The following TENM1 variants were observed in gnomAD, a reference collection of about 807,000 sequenced individuals.
The protein encoded by TENM1 is teneurin transmembrane protein 1.
Under a neutral mutation model 174.8 loss-of-function variants are expected in TENM1, and 35 were observed. That is an observed-to-expected ratio of 0.20 (90% CI 0.15 to 0.27). The LOEUF (loss-of-function observed/expected upper bound fraction) is 0.27. Among genes scored for constraint, TENM1 ranks in the 10% least tolerant of loss-of-function variants. The probability of loss-of-function intolerance (pLI) is 1.00; values close to 1 mark genes in which losing one functional copy is unlikely to be tolerated. For missense variants in TENM1, 1,633 were observed against 2,130.1 expected (o/e 0.77, Z 4.59); for synonymous variants, 781 against 798.7 (o/e 0.98, Z 0.37).
At chrX:124,565,826 T>A (rs1453667721) in intron 11 of TENM1, among the ~76,000 whole-genome samples, 1 of 111,472 alleles carries the variant, frequency 9.0e-6, no homozygotes, top group Non-Finnish European at 1.9e-5. Context: ...TTAAACAAAA[T>A]GTTAATAAAC....
chrX:124,831,913 G>A (rs1416855450), intron 3 of TENM1, among the ~76,000 whole-genome samples: 1 of 111,762 alleles, frequency 8.9e-6, no homozygotes, highest in African/African-American at 3.3e-5. Context: ...CACGGGGCTC[G>A]CTTCTCATTA....
At chrX:124,471,218 ATAAT>A (rs2061302979) in intron 22 of TENM1, among the ~76,000 whole-genome samples, 2 of 46,418 alleles carry the variant, frequency 4.3e-5, no homozygotes, top group Non-Finnish European at 8.0e-5. Flanking sequence ...ACTATATATT[ATAAT>A]ATATAGTACT....
chrX:124,886,544 T>TAGAGAG (rs1460561539), intron 3 of TENM1, among the ~76,000 whole-genome samples: 81 of 84,381 alleles, frequency 9.6e-4, no homozygotes, highest in African/African-American at 3.5e-3. Context: ...TATATATATA[T>TAGAGAG]ATATAGAGAG....
intron 1 of TENM1, among the ~76,000 whole-genome samples, chrX:124,962,721 G>A (rs1422390335): frequency 9.0e-6 from 1 of 110,727 alleles, no homozygotes; most frequent in African/African-American, 3.3e-5. Context: ...AGGTGGCTGA[G>A]GCAGGACAAT....
the TENM1 span, among the ~76,000 whole-genome samples, chrX:125,200,546 G>A: frequency 2.7e-5 from 3 of 109,555 alleles, no homozygotes; most frequent in African/African-American, 3.3e-5. Context: ...AAAATCCACA[G>A]CAATTTAACA....
intron 1 of TENM1, among the ~76,000 whole-genome samples, chrX:124,957,197 A>AGATG (rs34944662): frequency 8.6e-4 from 94 of 109,393 alleles, no homozygotes; most frequent in Non-Finnish European, 1.6e-3. Flanking sequence ...ACGGATGGAT[A>AGATG]GATGGATGGA....
chrX:125,138,649 T>G, the TENM1 span, among the ~76,000 whole-genome samples: 1 of 110,714 alleles, frequency 9.0e-6, no homozygotes, highest in Non-Finnish European at 1.9e-5. Flanking sequence ...GACAGAATAA[T>G]AGTTAACCTT....
intron 11 of TENM1, 48 bp from the exon 15 acceptor site, chrX:124,565,608 G>A: frequency 1.1e-6 from 1 of 914,662 alleles, no homozygotes; most frequent in Non-Finnish European, 1.4e-6. Context: ...GTTAAAACCA[G>A]CATCCATTCT....
At chrX:124,417,302 C>T (rs758420816) in intron 25 of TENM1, among the ~76,000 whole-genome samples, 3 of 110,738 alleles carry the variant, frequency 2.7e-5, no homozygotes, top group Non-Finnish European at 5.7e-5. Flanking sequence ...CTCCACCTCC[C>T]GGGTTCAAGT....
Position 124,695,806 on chromosome X carries a change from T to G in TENM1, c.1015+9207A>C, listed in dbSNP as rs1425524476. 3.6e-5 allele frequency among the ~76,000 whole-genome samples: 4 copies of G among 111,455 alleles called. No homozygotes were observed. In the East Asian group the frequency reaches 1.1e-3, roughly 31 times the overall value. ...TCTTATTTTTAAAATTGAGGGATTT[T>G]TTTTTTCCTTCCAGTTAATGGGTTA... On this transcript the variant is annotated intron_variant, in intron 5 of 31. Coordinates refer to ENST00000422452, the Ensembl canonical transcript of TENM1.
chrX:124,916,894 C>T (rs1030653136), intron 1 of TENM1, among the ~76,000 whole-genome samples: 4 of 110,224 alleles, frequency 3.6e-5, no homozygotes, highest in Admixed American at 9.7e-5. Context: ...CCTTCAGAAC[C>T]GTGAGCCAAT....
At position 124,848,766 on chromosome X, in the gene TENM1, C is replaced by T. The variant is rs2056661019; in HGVS notation, c.535+45530G>A. Among the ~76,000 whole-genome samples the T allele has an allele frequency of 2.7e-5, 3 of 110,793 alleles. No homozygotes were observed. The South Asian group carries it at 1.1e-3, about 42-fold the overall frequency. ...AGCAACAGAGGCAGATCTATCTATACTGTCATAGATATTCAAGAAACATTG... is the reference window on the plus strand; with the variant it reads ...AGCAACAGAGGCAGATCTATCTATATTGTCATAGATATTCAAGAAACATTG... On this transcript the variant is annotated intron_variant, in intron 3 of 31. Coordinates refer to ENST00000422452, the Ensembl canonical transcript of TENM1.
At chrX:124,576,714 T>C (rs2049174289) in intron 11 of TENM1, among the ~76,000 whole-genome samples, 1 of 112,309 alleles carries the variant, frequency 8.9e-6, no homozygotes, top group African/African-American at 3.2e-5. Context: ...CTACTTTTCG[T>C]ATATAAAGTT....
chrX:124,431,806 C>T (rs1340745159), intron 23 of TENM1, among the ~76,000 whole-genome samples: 1 of 112,038 alleles, frequency 8.9e-6, no homozygotes, highest in Non-Finnish European at 1.9e-5. Context: ...CTTAGATACA[C>T]ACTCTTGTGT....
At chrX:125,010,620 C>T in the TENM1 span, among the ~76,000 whole-genome samples, 1 of 109,149 alleles carries the variant, frequency 9.2e-6, no homozygotes, top group Non-Finnish European at 1.9e-5. Flanking sequence ...CGAGACCATC[C>T]TGGCTAACAC....
At chrX:124,813,926 T>A (rs1272197200) in intron 3 of TENM1, among the ~76,000 whole-genome samples, 4 of 111,319 alleles carry the variant, frequency 3.6e-5, no homozygotes, top group Non-Finnish European at 3.8e-5. Context: ...TGCTACCTAT[T>A]ACAAAAAAAA....
chrX:124,987,677 T>C, the TENM1 span, among the ~76,000 whole-genome samples: 1 of 107,373 alleles, frequency 9.3e-6, no homozygotes, highest in Non-Finnish European at 1.9e-5. Context: ...ATGGATGACA[T>C]ATATTGACCA....
rs1158650709 is a variant in TENM1 at position 124,916,622 on chromosome X, A to G, written c.218-20381T>C. Among the ~76,000 whole-genome samples, 9 of 111,647 alleles carry G rather than the reference A, an allele frequency of 8.1e-5. No individual in the cohort carries two copies. In the Admixed American group the frequency reaches 8.6e-4, roughly 11 times the overall value. The stretch of plus-strand genomic sequence containing the variant: ...CTCATGTTGAAATTTAATTGTCATT[A>G]TAACAGTATTAAAAAGTAGGACCTT... On this transcript the variant is annotated intron_variant, in intron 1 of 31. Coordinates refer to ENST00000422452, the Ensembl canonical transcript of TENM1.
At chrX:124,772,194 G>A (rs1310161764) in intron 3 of TENM1, among the ~76,000 whole-genome samples, 1 of 109,937 alleles carries the variant, frequency 9.1e-6, no homozygotes, top group African/African-American at 3.3e-5. Context: ...GGAGTGCAGT[G>A]GCACCATCTC....
Sources: allele counts gnomAD v4.1 joint callset (sites outside exome capture counted in the v4.1 genomes callset), GRCh38; gene constraint gnomAD v4.1.1; transcripts MANE v1.5; gene names NCBI Gene and HGNC (gene_info 2026-07-23, HGNC 2026-07-21).